Variants in GPR137C observed in about 807,000 individuals in gnomAD.
GPR137C encodes the protein integral membrane protein GPR137C.
GPR137C carries 27 observed loss-of-function variants against 43.4 expected under a neutral mutation model. The observed-to-expected ratio is 0.62, with a 90% CI of 0.46 to 0.86. The LOEUF is 0.86. Ranked by LOEUF, GPR137C falls within the 40% of genes least tolerant of loss-of-function variation. The pLI is 0.00. For synonymous variants in GPR137C, 285 were observed against 226.9 expected, an observed-to-expected ratio of 1.26 and a Z score of -2.30; for missense variants, 522 against 534.6, an observed-to-expected ratio of 0.98 and a Z score of 0.23.
rs1246712121 is a variant in GPR137C at position 52,553,077 on chromosome 14, T to C, written c.-71T>C. The C allele has an allele frequency of 1.5e-5, 12 of 818,020 alleles. No homozygotes were observed. The highest frequency in any genetic ancestry group is 1.9e-5 in the Non-Finnish European group (12 of 646,226). The allele number at this position is 818,020 out of a possible 1,614,324, so 50.7% of individuals were successfully genotyped here. On this transcript the variant is annotated 5_prime_UTR_variant, in exon 1 of 7. Coordinates refer to ENST00000321662, the MANE Select transcript of GPR137C (RefSeq NM_001099652.2). ...GTGGGGGGTAAGGGGGCAGTCCTTC[T>C]CCCCTTCGACGGCGGCTCCGAGTCC...
chr14:52,625,715 C>T (rs530597651), intron 3 of GPR137C, among the ~76,000 whole-genome samples: 3 of 151,496 alleles, frequency 2.0e-5, no homozygotes, highest in South Asian at 2.1e-4. Flanking sequence ...CCACCATGCC[C>T]GGCTAATTTT....
At chr14:52,572,998 T>C (rs1443776007) in intron 1 of GPR137C, among the ~76,000 whole-genome samples, 1 of 152,062 alleles carries the variant, frequency 6.6e-6, no homozygotes, top group African/African-American at 2.4e-5. Flanking sequence ...ATAAAATACC[T>C]AGGAATACAA....
intron 1 of GPR137C, among the ~76,000 whole-genome samples, chr14:52,590,608 C>CTGT (rs1225298997): frequency 6.6e-6 from 1 of 152,130 alleles, no homozygotes. Context: ...TTGTATACCA[C>CTGT]ATTTTTACTG....
intron 3 of GPR137C, among the ~76,000 whole-genome samples, chr14:52,602,589 G>A (rs1017148888): frequency 6.6e-6 from 1 of 151,960 alleles, no homozygotes; most frequent in African/African-American, 2.4e-5. Context: ...ATCCAGGAAC[G>A]GCTTTCCTCT....
chr14:52,566,582 C>T (rs868834320), intron 1 of GPR137C, among the ~76,000 whole-genome samples: 55 of 152,272 alleles, frequency 3.6e-4, no homozygotes, highest in Middle Eastern at 6.8e-3. Context: ...CATTAAACAG[C>T]AGGACTGACA....
At chr14:52,628,342 A>C (rs2039254270) in intron 3 of GPR137C, among the ~76,000 whole-genome samples, 1 of 152,256 alleles carries the variant, frequency 6.6e-6, no homozygotes, top group Non-Finnish European at 1.5e-5. Context: ...CATACCATAC[A>C]CAAAAATTAA....
At position 52,581,195 on chromosome 14, in the gene GPR137C, CA is replaced by C. The variant is rs71125115; in HGVS notation, c.445-17059del. Reference sequence around the variant, plus strand: ...TCGGTGACAGAGTGAGACTTCTTCTCAAAAAAAAAAAAAAAAAAGTTGTTAA... The same window carrying C: ...TCGGTGACAGAGTGAGACTTCTTCTCAAAAAAAAAAAAAAAAAGTTGTTAA... On this transcript the variant is annotated intron_variant, in intron 1 of 6. Transcript: ENST00000321662. Among the ~76,000 whole-genome samples the C allele has an allele frequency of 7.2e-3, 605 of 83,524 alleles. 5 individuals are homozygous for C. The highest frequency in any genetic ancestry group is 0.02 in the African/African-American group (436 of 21,380). The allele number at this position is 83,524 out of a possible 152,430, so 54.8% of individuals were successfully genotyped here.
chr14:52,553,468 C>G lies in GPR137C; in HGVS notation c.321C>G (p.Ser107Arg). The G allele has an allele frequency of 6.2e-7, 1 of 1,608,788 alleles. No individual in the cohort carries two copies. ...TCTTCTCCGCCGCCTTCTCGCTCAG[C>G]GGCTCCCTGCCCTTGCTCCGGCCGC... The part of the protein sequence containing the change: ...TTLFSAAFSL[S>R]GSLPLLRPPA... Residue 107 changes from serine to arginine, a missense_variant, in exon 1 of 7, where the codon AGC becomes AGG. Physicochemically the swap from Ser to Arg is moderately radical, Grantham distance 110. Around this residue, in one of 3 missense-constraint regions of GPR137C, gnomAD observed 437 missense variants for 425.7 expected, o/e 1.03. Coordinates refer to ENST00000321662, the MANE Select transcript of GPR137C (RefSeq NM_001099652.2).
intron 1 of GPR137C, among the ~76,000 whole-genome samples, chr14:52,579,468 A>G (rs369942844): frequency 1.3e-5 from 2 of 152,154 alleles, no homozygotes; most frequent in Non-Finnish European, 2.9e-5. Flanking sequence ...TTCTCCTGGT[A>G]CCTTTTGAAG....
At chr14:52,587,196 A>G (rs1291988617) in intron 1 of GPR137C, among the ~76,000 whole-genome samples, 1 of 152,196 alleles carries the variant, frequency 6.6e-6, no homozygotes, top group Non-Finnish European at 1.5e-5. Context: ...TATGGTAGGT[A>G]TTGGGCTCTA....
chr14:52,609,023 C>T (rs2039011048), intron 3 of GPR137C, among the ~76,000 whole-genome samples: 1 of 152,152 alleles, frequency 6.6e-6, no homozygotes, highest in Non-Finnish European at 1.5e-5. Context: ...CTTTCTACCC[C>T]TGTCTTTCTC....
At position 52,635,004 on chromosome 14, in the gene GPR137C, A is replaced by AG; in HGVS notation, c.1180dup (p.Val394GlyfsTer20). ...CTGGGTGTGGCAGCAGCAGTTACAC[A>AG]GTCACTCCCCACCTGAATGGACCTA... On this transcript the variant is annotated frameshift_variant, in exon 7 of 7. Transcript: ENST00000321662. LOFTEE classifies it high-confidence loss of function. 1 of 1,612,728 alleles carries AG rather than the reference A, an allele frequency of 6.2e-7. No individual in the cohort carries two copies. Among genetic ancestry groups the AG allele is most frequent in the Non-Finnish European group, 8.5e-7 (1 of 1,179,332 alleles).
intron 3 of GPR137C, among the ~76,000 whole-genome samples, chr14:52,608,524 G>A (rs2039006580): frequency 6.6e-6 from 1 of 152,072 alleles, no homozygotes; most frequent in Non-Finnish European, 1.5e-5. Context: ...AAATATATAA[G>A]TGGTTTATGC....
chr14:52,613,302 A>G (rs1042072524), intron 3 of GPR137C: 1 of 152,084 alleles, frequency 6.6e-6, no homozygotes, highest in African/African-American at 2.4e-5. Flanking sequence ...TAATAATTAC[A>G]TTATGGAAAA....
chr14:52,582,144 G>T (rs1264290700), intron 1 of GPR137C, among the ~76,000 whole-genome samples: 2 of 152,136 alleles, frequency 1.3e-5, no homozygotes, highest in Non-Finnish European at 2.9e-5. Flanking sequence ...GTCTGATAAG[G>T]ATCCACTTTC....
chr14:52,619,703 A>G (rs1032343902), intron 3 of GPR137C, among the ~76,000 whole-genome samples: 18 of 152,108 alleles, frequency 1.2e-4, no homozygotes, highest in Non-Finnish European at 2.4e-4. Context: ...CCATGGCCAG[A>G]TAGCCCACCC....
At chr14:52,556,529 A>G (rs1167770104) in intron 1 of GPR137C, among the ~76,000 whole-genome samples, 1 of 152,010 alleles carries the variant, frequency 6.6e-6, no homozygotes, top group Non-Finnish European at 1.5e-5. Flanking sequence ...GGGGAAAAAA[A>G]AAAGAAAAGC....
chr14:52,565,729 G>C (rs1326540942), intron 1 of GPR137C, among the ~76,000 whole-genome samples: 1 of 152,102 alleles, frequency 6.6e-6, no homozygotes, highest in Non-Finnish European at 1.5e-5. Context: ...CATCTAATTT[G>C]TTTTAAATAA....
chr14:52,600,028 T>C, intron 2 of GPR137C, 85 bp from the exon 3 acceptor site: 1 of 844,982 alleles, frequency 1.2e-6, no homozygotes, highest in Non-Finnish European at 1.9e-6. Flanking sequence ...AAGGAATTCT[T>C]GTACCTAACA....
Sources: gnomAD v4.1 joint callset for allele counts (sites outside exome capture counted in the v4.1 genomes callset) on GRCh38, gnomAD v4.1.1 for gene constraint, gnomAD v4.1.1 regional missense constraint, MANE v1.5 for transcripts, NCBI Gene and HGNC (gene_info 2026-07-23, HGNC 2026-07-21) for gene names.